The following OR9Q1 variants were observed in gnomAD, a reference collection of about 807,000 sequenced individuals.
The protein encoded by OR9Q1 is olfactory receptor family 9 subfamily Q member 1.
For synonymous variants in OR9Q1, 153 were observed against 148.6 expected, an observed-to-expected ratio of 1.03 and a Z score of -0.22; for missense variants, 374 against 378.8, an observed-to-expected ratio of 0.99 and a Z score of 0.11.
intron 2 of OR9Q1, chr11:58,072,636 T>A (rs190701679): frequency 6.5e-6 from 1 of 154,694 alleles, no homozygotes; most frequent in Admixed American, 6.5e-5. Flanking sequence ...TATTCTGCTG[T>A]ATATACTGGT....
At chr11:58,098,217 G>T (rs1853750114) in intron 2 of OR9Q1, among the ~76,000 whole-genome samples, 1 of 152,162 alleles carries the variant, frequency 6.6e-6, no homozygotes, top group South Asian at 2.1e-4. Flanking sequence ...TCGTGGGGAT[G>T]GAGTGGGAGT....
chr11:58,054,544 G>C (rs917342952), intron 1 of OR9Q1, among the ~76,000 whole-genome samples: 2 of 152,110 alleles, frequency 1.3e-5, no homozygotes, highest in East Asian at 3.8e-4. Context: ...GTACATTTCT[G>C]TATCCCTCAT....
At chr11:58,060,693 G>C (rs1369584478) in intron 2 of OR9Q1, among the ~76,000 whole-genome samples, 1 of 152,206 alleles carries the variant, frequency 6.6e-6, no homozygotes, top group Non-Finnish European at 1.5e-5. Context: ...CAAAAAGTAG[G>C]GGGGTGTGGT....
chr11:58,038,119 A>C (rs1853126665), intron 1 of OR9Q1, among the ~76,000 whole-genome samples: 3 of 152,046 alleles, frequency 2.0e-5, no homozygotes, highest in African/African-American at 7.2e-5. Flanking sequence ...TATTAACGTG[A>C]ATATTGCTTT....
intron 2 of OR9Q1, among the ~76,000 whole-genome samples, chr11:58,136,247 A>G (rs1373090908): frequency 1.3e-5 from 2 of 152,148 alleles, no homozygotes; most frequent in African/African-American, 2.4e-5. Context: ...CTGAACAACA[A>G]TTAGATAACA....
At chr11:58,125,078 C>T (rs952351779) in intron 2 of OR9Q1, among the ~76,000 whole-genome samples, 1 of 152,132 alleles carries the variant, frequency 6.6e-6, no homozygotes, top group African/African-American at 2.4e-5. Flanking sequence ...TCTACTCCAG[C>T]ATAATTACAG....
In OR9Q1 at chr11:58,129,236, C is replaced by CGTGTGTGTGT. The variant is rs59902083; in HGVS notation, c.-14-50166_-14-50157dup. Among the ~76,000 whole-genome samples the CGTGTGTGTGT allele has an allele frequency of 3.7e-3, 539 of 144,850 alleles. 3 individuals are homozygous for CGTGTGTGTGT. The highest frequency in any genetic ancestry group is 0.013 in the African/African-American group (500 of 38,744). ...CCACAAAGGGCCAGGCAGAGCAATTCGTGTGTGTGTGTGTGTGTGTGTGTG... is the reference window on the plus strand; with the variant it reads ...CCACAAAGGGCCAGGCAGAGCAATTCGTGTGTGTGTGTGTGTGTGTGTGTGTGTGTGTGTG... On this transcript the variant is annotated intron_variant, in intron 2 of 2. Coordinates refer to ENST00000335397, the MANE Select transcript of OR9Q1 (RefSeq NM_001005212.4).
At chr11:58,068,550 A>G (rs1853455303) in intron 2 of OR9Q1, among the ~76,000 whole-genome samples, 1 of 152,130 alleles carries the variant, frequency 6.6e-6, no homozygotes, top group Non-Finnish European at 1.5e-5. Context: ...AGTCCCCAGG[A>G]TTCAAATCCT....
At chr11:58,033,940 C>A (rs1057323395) in intron 1 of OR9Q1, among the ~76,000 whole-genome samples, 1 of 151,968 alleles carries the variant, frequency 6.6e-6, no homozygotes, top group African/African-American at 2.4e-5. Flanking sequence ...TGGCAAGAGT[C>A]CACAGTGAGT....
intron 2 of OR9Q1, among the ~76,000 whole-genome samples, chr11:58,134,173 G>A (rs1349523739): frequency 1.3e-5 from 2 of 152,192 alleles, no homozygotes; most frequent in African/African-American, 4.8e-5. Flanking sequence ...GTTCTACCTA[G>A]GAATTTCCAT....
rs1854663069 is a variant in OR9Q1, at chr11:58,181,260, T to G, written c.*883T>G. ...TCTTCAGTGTCTGTATCATAGACATTGACTCTCTGTGTTCTGAAAGCTTTT... is the reference window on the plus strand; with the variant it reads ...TCTTCAGTGTCTGTATCATAGACATGGACTCTCTGTGTTCTGAAAGCTTTT... On this transcript the variant is annotated 3_prime_UTR_variant, in exon 3 of 3. Transcript: ENST00000335397. The G allele has an allele frequency of 6.0e-6, 1 of 167,114 alleles. No homozygotes were observed. Among genetic ancestry groups the G allele is most frequent in the African/African-American group, 2.4e-5 (1 of 41,454 alleles). The allele number at this position is 167,114 out of a possible 1,614,324, so 10.4% of individuals were successfully genotyped here. A position where few individuals can be genotyped will look rare whatever the true frequency, so the allele number is the denominator to read the frequency against.
chr11:58,045,106 T>C (rs2119949775), intron 1 of OR9Q1: 1 of 152,270 alleles, frequency 6.6e-6, no homozygotes, highest in South Asian at 2.1e-4. Context: ...TTGGATCCTA[T>C]CCCCAAGATA....
At position 58,069,884 on chromosome 11, in the gene OR9Q1, C is replaced by T. The variant is rs550788337; in HGVS notation, c.-15+13937C>T. 3.3e-5 allele frequency among the ~76,000 whole-genome samples: 5 copies of T among 151,974 alleles called. No individual in the cohort carries two copies. In the South Asian group the frequency reaches 1.0e-3, roughly 32 times the overall value. ...GACCCTATCTCAAACAACAAAAAAC[C>T]AAACCAAACCAAACCAAAACAAAAC... On this transcript the variant is annotated intron_variant, in intron 2 of 2. Coordinates refer to ENST00000335397, the MANE Select transcript of OR9Q1 (RefSeq NM_001005212.4).
intron 2 of OR9Q1, among the ~76,000 whole-genome samples, chr11:58,097,648 C>T (rs1235254837): frequency 6.6e-6 from 1 of 152,192 alleles, no homozygotes; most frequent in African/African-American, 2.4e-5. Context: ...CACACACAGA[C>T]TTCTGCATGA....
intron 2 of OR9Q1, among the ~76,000 whole-genome samples, chr11:58,150,691 A>T (rs1346943663): frequency 6.6e-6 from 1 of 152,202 alleles, no homozygotes; most frequent in African/African-American, 2.4e-5. Context: ...GCTATATAAA[A>T]CTATAGCACA....
chr11:58,100,163 G>A (rs955841714), intron 2 of OR9Q1, among the ~76,000 whole-genome samples: 6 of 152,176 alleles, frequency 3.9e-5, no homozygotes, highest in Admixed American at 2.6e-4. Flanking sequence ...GAAGCTGTAA[G>A]TCTTCTTGAA....
At chr11:58,035,695 T>G (rs1247382018) in intron 1 of OR9Q1, among the ~76,000 whole-genome samples, 1 of 152,200 alleles carries the variant, frequency 6.6e-6, no homozygotes, top group East Asian at 1.9e-4. Context: ...ACAGTCTCCC[T>G]GAATAGGGTC....
chr11:58,109,140 G>C (rs1460449840), intron 2 of OR9Q1: 2 of 504,760 alleles, frequency 4.0e-6, no homozygotes, highest in East Asian at 1.2e-4. Context: ...AGAAGAAGTT[G>C]ATCTGATTGT....
chr11:58,057,141 C>T (rs766448396), intron 2 of OR9Q1, among the ~76,000 whole-genome samples: 18 of 151,826 alleles, frequency 1.2e-4, no homozygotes, highest in East Asian at 3.9e-4. Flanking sequence ...CTATAGACAA[C>T]GCCATTACAC....
Sources: allele counts gnomAD v4.1 joint callset (sites outside exome capture counted in the v4.1 genomes callset), GRCh38; gene constraint gnomAD v4.1.1; transcripts MANE v1.5; gene names NCBI Gene and HGNC (gene_info 2026-07-23, HGNC 2026-07-21).